PTGDS: variants seen among roughly 807,000 people sequenced by gnomAD.
PTGDS encodes the protein prostaglandin-H2 D-isomerase.
PTGDS carries 21 observed loss-of-function variants against 28.4 expected under a neutral mutation model. That is an observed-to-expected ratio of 0.74 (90% CI 0.52 to 1.07). The LOEUF is 1.07. PTGDS is among the 50% of genes least tolerant of loss of function. The pLI, the probability that PTGDS is intolerant of heterozygous loss-of-function variation, is 0.00. For synonymous variants in PTGDS, 102 were observed against 106.0 expected, an observed-to-expected ratio of 0.96 and a Z score of 0.23; for missense variants, 243 against 247.7, an observed-to-expected ratio of 0.98 and a Z score of 0.13.
At position 136,977,650 on chromosome 9, in the gene PTGDS, G is replaced by A. The variant is rs756456741; in HGVS notation, c.72G>A (p.Pro24=). ...TGCTGGGCGACCTGCAGGCAGCACC[G>A]GAGGCCCAGGTCTCCGTGCAGCCCA... The part of the protein sequence containing the change: ...LGVLGDLQAA[P]EAQVSVQPNF... Residue 24 remains proline (P), a synonymous_variant, in exon 1 of 7, where the codon CCG becomes CCA. Coordinates refer to ENST00000371625, the MANE Select transcript of PTGDS (RefSeq NM_000954.6). 12 of 1,607,054 alleles carry A rather than the reference G, an allele frequency of 7.5e-6. No individual in the cohort carries two copies. Among genetic ancestry groups the A allele is most frequent in the South Asian group, 3.3e-5 (3 of 90,186 alleles).
intron 3 of PTGDS, chr9:136,979,735 C>A (rs1428118659): frequency 1.6e-6 from 1 of 634,666 alleles, no homozygotes; most frequent in Non-Finnish European, 2.8e-6. Context: ...GTTTTCTGAG[C>A]CTGGCTCCCC....
At chr9:136,978,275 C>T (rs892204290) in intron 1 of PTGDS, among the ~76,000 whole-genome samples, 1 of 152,174 alleles carries the variant, frequency 6.6e-6, no homozygotes, top group Non-Finnish European at 1.5e-5. Context: ...CCTCTGCCGC[C>T]CGCTGTATGG....
intron 1 of PTGDS, 70 bp downstream of exon 1, chr9:136,977,762 G>C (rs913799600): frequency 9.5e-6 from 13 of 1,366,122 alleles, no homozygotes; most frequent in Admixed American, 2.3e-5. Flanking sequence ...TTTCCGGCTG[G>C]GTCTTCCCCC....
rs1351246343 is a variant in PTGDS at position 136,980,171 on chromosome 9, A to C, written c.449-12A>C. On this transcript the variant is annotated splice_polypyrimidine_tract_variant and intron_variant, in intron 4 of 6. Coordinates refer to ENST00000371625, the MANE Select transcript of PTGDS (RefSeq NM_000954.6). Reference sequence around the variant, plus strand: ...CCCCGCTGAGGCCAGCTCCGTCTCCACCCTGTCCCAGGCCGAACCCAGACC... The same window carrying C: ...CCCCGCTGAGGCCAGCTCCGTCTCCCCCCTGTCCCAGGCCGAACCCAGACC... The C allele has an allele frequency of 6.2e-7, 1 of 1,613,374 alleles. No individual in the cohort carries two copies. Among genetic ancestry groups the C allele is most frequent in the Admixed American group, 1.7e-5 (1 of 60,004 alleles).
chr9:136,979,919 C>T (rs773725798), intron 3 of PTGDS, 27 bp from the exon 4 acceptor site: 22 of 1,604,238 alleles, frequency 1.4e-5, no homozygotes, highest in South Asian at 4.4e-5. Context: ...GCTGAGTCCC[C>T]GACAGGGTTG....
In PTGDS at chr9:136,980,261, C is replaced by T. The variant is rs1203043970; in HGVS notation, c.527C>T (p.Thr176Ile). 6.2e-7 allele frequency: 1 copy of T among 1,614,060 alleles called. No individual in the cohort carries two copies. Among genetic ancestry groups the T allele is most frequent in the Non-Finnish European group, 8.5e-7 (1 of 1,179,974 alleles). ...FCKAQGFTED[T>I]IVFLPQTDKC... ...AAGGCCCAGGGCTTCACAGAGGATACCATTGTCTTCCTGCCCCAAACCGGT... is the reference window on the plus strand; with the variant it reads ...AAGGCCCAGGGCTTCACAGAGGATATCATTGTCTTCCTGCCCCAAACCGGT... The change falls in exon 5 of 7, where the codon ACC becomes ATC. Residue 176 changes from threonine to isoleucine, a missense_variant. Thr to Ile is a moderately conservative substitution (Grantham distance 89). Coordinates refer to ENST00000371625, the MANE Select transcript of PTGDS (RefSeq NM_000954.6).
At chr9:136,977,803 G>T (rs187328838) in intron 1 of PTGDS, 111 bp downstream of exon 1, 2 of 1,033,008 alleles carry the variant, frequency 1.9e-6, no homozygotes, top group Non-Finnish European at 2.8e-6. Flanking sequence ...CCGCAGTGCC[G>T]GGCAGTGCCG....
At chr9:136,978,797 T>G (rs1381212408) in intron 1 of PTGDS, 196 bp from the exon 2 acceptor site, 6 of 587,480 alleles carry the variant, frequency 1.0e-5, no homozygotes, top group Non-Finnish European at 1.4e-5. Flanking sequence ...GGCGGGGTCA[T>G]CTCCTGGGGC....
At chr9:136,980,118 A>G in intron 4 of PTGDS, 56 bp downstream of exon 4, 2 of 1,607,898 alleles carry the variant, frequency 1.2e-6, no homozygotes, top group Non-Finnish European at 1.7e-6. Context: ...GGGCTCCCCA[A>G]GACCCAGGGC....
At chr9:136,979,856 C>A in intron 3 of PTGDS, 90 bp from the exon 4 acceptor site, 2 of 1,257,900 alleles carry the variant, frequency 1.6e-6, no homozygotes, top group Non-Finnish European at 2.3e-6. Context: ...GGCTGAGTGC[C>A]CCCAAAGCCC....
rs1426324710 is a variant in PTGDS at position 136,980,265 on chromosome 9, T to TG, written c.532dup (p.Val178GlyfsTer8). The TG allele has an allele frequency of 6.2e-7, 1 of 1,613,924 alleles. No homozygotes were observed. Among genetic ancestry groups the TG allele is most frequent in the Non-Finnish European group, 8.5e-7 (1 of 1,179,978 alleles). Reference sequence around the variant, plus strand: ...CCCAGGGCTTCACAGAGGATACCATTGTCTTCCTGCCCCAAACCGGTGAGG... The same window carrying TG: ...CCCAGGGCTTCACAGAGGATACCATTGGTCTTCCTGCCCCAAACCGGTGAGG... On this transcript the variant is annotated frameshift_variant, in exon 5 of 7. Transcript: ENST00000371625. LOFTEE classifies it high-confidence loss of function.
intron 1 of PTGDS, 31 bp downstream of exon 1, chr9:136,977,723 GC>G (rs759428563): frequency 4.6e-6 from 7 of 1,524,208 alleles, no homozygotes; most frequent in Non-Finnish European, 6.2e-6. Flanking sequence ...ATCCCCAAGG[GC>G]TACAGGACCC....
Position 136,979,066 on chromosome 9 carries a change from C to T in PTGDS, c.188C>T (p.Ser63Phe). The T allele has an allele frequency of 6.2e-7, 1 of 1,609,592 alleles. No individual in the cohort carries two copies. Among genetic ancestry groups the T allele is most frequent in the Non-Finnish European group, 8.5e-7 (1 of 1,177,888 alleles). ...SWLREKKAAL[S>F]MCKSVVAPAT... ...CTCCGGGAGAAGAAGGCGGCGTTGT[C>T]CATGTGCAAGTCTGTGGTGGCCCCT... The change falls in exon 2 of 7, where the codon TCC (serine) becomes TTC (phenylalanine). Residue 63 changes from serine (S) to phenylalanine (F), a missense_variant. Physicochemically the swap from Ser to Phe is radical, Grantham distance 155 (BLOSUM62 -2). Coordinates refer to ENST00000371625, the MANE Select transcript of PTGDS (RefSeq NM_000954.6).
intron 3 of PTGDS, 116 bp downstream of exon 3, chr9:136,979,415 C>T (rs1298801481): frequency 6.4e-7 from 1 of 1,562,892 alleles, no homozygotes. Context: ...ATGGCTGCCC[C>T]ACCAGCGTCA....
At chr9:136,979,473 G>A in intron 3 of PTGDS, 174 bp downstream of exon 3, 1 of 1,536,938 alleles carries the variant, frequency 6.5e-7, no homozygotes, top group Non-Finnish European at 8.8e-7. Flanking sequence ...CAAGTGTTAG[G>A]GACAGAGAGA....
At chr9:136,981,185 A>G in intron 6 of PTGDS, 1 of 335,850 alleles carries the variant, frequency 3.0e-6, no homozygotes, top group Non-Finnish European at 5.4e-6. Context: ...CCTGGCAGCA[A>G]GGGTGTCTGG....
intron 3 of PTGDS, chr9:136,979,513 G>GA: frequency 6.9e-7 from 1 of 1,441,880 alleles, no homozygotes; most frequent in Non-Finnish European, 9.4e-7. Flanking sequence ...GATCCTCTCT[G>GA]GAGCCCACCA....
rs113082819 is a variant in PTGDS at position 136,977,693 on chromosome 9, G to A, written c.114+1G>A. ...GCAGCCCAACTTCCAGCAGGACAAGGTGAGGGGCTTTCCTGCGTCATCCCC... is the reference window on the plus strand; with the variant it reads ...GCAGCCCAACTTCCAGCAGGACAAGATGAGGGGCTTTCCTGCGTCATCCCC... On this transcript the variant is annotated splice_donor_variant, in intron 1 of 6. Transcript: ENST00000371625. LOFTEE classifies it high-confidence loss of function. The A allele has an allele frequency of 3.1e-6, 5 of 1,590,002 alleles. No individual in the cohort carries two copies. The highest frequency in any genetic ancestry group is 4.3e-6 in the Non-Finnish European group (5 of 1,170,108).
At chr9:136,978,199 G>A (rs916042050) in intron 1 of PTGDS, among the ~76,000 whole-genome samples, 1 of 151,334 alleles carries the variant, frequency 6.6e-6, no homozygotes. Context: ...TGGCGTCGAG[G>A]AGAACCCCAG....
Sources: allele counts gnomAD v4.1 joint callset (sites outside exome capture counted in the v4.1 genomes callset), GRCh38; gene constraint gnomAD v4.1.1; transcripts MANE v1.5; gene names NCBI Gene and HGNC (gene_info 2026-07-23, HGNC 2026-07-21).